NTN4: variants seen among roughly 807,000 people sequenced by gnomAD.
The protein encoded by NTN4 is netrin 4.
A neutral mutation model predicts 73.6 loss-of-function variants in NTN4; 32 were observed. That is an observed-to-expected ratio of 0.44 (90% confidence interval 0.33 to 0.58). The LOEUF (loss-of-function observed/expected upper bound fraction) is 0.58, where lower values mean the gene tolerates loss of function less well. Among genes scored for constraint, NTN4 ranks in the 20% least tolerant of loss-of-function variants. The pLI is 0.04. For missense variants in NTN4, 654 were observed against 798.3 expected (o/e 0.82, Z 2.18); for synonymous variants, 258 against 287.5 (o/e 0.90, Z 1.04).
At position 95,683,589 on chromosome 12, in the gene NTN4, T is replaced by C. The variant is rs763010124; in HGVS notation, c.1303A>G (p.Met435Val). 1.9e-6 allele frequency: 3 copies of C among 1,614,214 alleles called. No homozygotes were observed. Among genetic ancestry groups the C allele is most frequent in the Non-Finnish European group, 2.5e-6 (3 of 1,180,034 alleles). The change falls in exon 6 of 10, where the codon ATG becomes GTG. Residue 435 changes from methionine to valine, a missense_variant. Physicochemically the swap from Met to Val is conservative, Grantham distance 21 (BLOSUM62 1). Transcript: ENST00000343702. ...TCTCCGAAGCCCCAGTATCCCACCA[T>C]GCACCTGTCACAACGTCGCCCTGCC... ...GVAGRRCDRCMVGYWGFGDYG... is the reference protein window; with the variant it reads ...GVAGRRCDRCVVGYWGFGDYG...
At chr12:95,660,641 G>C (rs1385429833) in intron 9 of NTN4, among the ~76,000 whole-genome samples, 3 of 152,106 alleles carry the variant, frequency 2.0e-5, no homozygotes, top group Non-Finnish European at 4.4e-5. Context: ...TAATAACGTA[G>C]ATTTTGGTAT....
intron 5 of NTN4, among the ~76,000 whole-genome samples, chr12:95,710,036 A>C (rs564305156): frequency 6.6e-6 from 1 of 152,308 alleles, no homozygotes; most frequent in Non-Finnish European, 1.5e-5. Flanking sequence ...TTCACTGTTA[A>C]GGTAAAAGAA....
rs574344865 is a variant in NTN4 at position 95,722,933 on chromosome 12, C to T, written c.865-9595G>A. 3.1e-5 allele frequency among the ~76,000 whole-genome samples: 4 copies of T among 129,546 alleles called. 1 individual carries two copies. Among genetic ancestry groups the T allele is most frequent in the African/African-American group, 1.2e-4 (4 of 33,364 alleles). The allele number at this position is 129,546 out of a possible 152,430, so 85.0% of individuals were successfully genotyped here. ...AGGTTGCAGTGAGCCAAGATCGTGC[C>T]ACTGCACTCCAGCCTGGGTGACAGA... On this transcript the variant is annotated intron_variant, in intron 3 of 9. Coordinates refer to ENST00000343702, the MANE Select transcript of NTN4 (RefSeq NM_021229.4).
chr12:95,765,917 A>G (rs1270119626), intron 2 of NTN4, among the ~76,000 whole-genome samples: 2 of 152,180 alleles, frequency 1.3e-5, no homozygotes, highest in Admixed American at 1.3e-4. Flanking sequence ...ATGGAACTAG[A>G]CAGATAATAG....
rs558949134 is a variant in NTN4 at position 95,760,222 on chromosome 12, C to G, written c.586-22078G>C. On this transcript the variant is annotated intron_variant, in intron 2 of 9. Transcript: ENST00000343702. ...CTATTACAAAGGTTTTCTGAGGGCTCTACCAGATGCCTGTGAATTATGAGG... is the reference window on the plus strand; with the variant it reads ...CTATTACAAAGGTTTTCTGAGGGCTGTACCAGATGCCTGTGAATTATGAGG... Among the ~76,000 whole-genome samples, 27 of 152,264 alleles carry G rather than the reference C, an allele frequency of 1.8e-4. No homozygotes were observed. In the South Asian group the frequency reaches 5.4e-3, roughly 30 times the overall value.
intron 5 of NTN4, among the ~76,000 whole-genome samples, chr12:95,685,399 G>A (rs1343427208): frequency 6.6e-6 from 1 of 152,122 alleles, no homozygotes; most frequent in Admixed American, 6.6e-5. Context: ...CTTGGTTGAC[G>A]GCTCTGCCTC....
intron 5 of NTN4, among the ~76,000 whole-genome samples, chr12:95,685,784 T>A (rs531944970): frequency 6.6e-6 from 1 of 152,354 alleles, no homozygotes; most frequent in South Asian, 2.1e-4. Context: ...ACTATCCTTA[T>A]GCAGTGGTAA....
At chr12:95,737,557 A>G (rs1484868682) in intron 3 of NTN4, among the ~76,000 whole-genome samples, 1 of 152,166 alleles carries the variant, frequency 6.6e-6, no homozygotes, top group East Asian at 1.9e-4. Flanking sequence ...CTTGTGTGTG[A>G]TAATACCACT....
intron 3 of NTN4, among the ~76,000 whole-genome samples, chr12:95,720,430 G>A (rs1272455575): frequency 2.6e-5 from 4 of 152,186 alleles, no homozygotes; most frequent in East Asian, 1.9e-4. Flanking sequence ...TACATTATCC[G>A]CCTCTCTCTA....
Position 95,781,178 on chromosome 12 carries a change from A to G in NTN4, c.585+5761T>C, listed in dbSNP as rs1388226596. ...TGGGGTTGGGGGAGCAGGGAGGGAT[A>G]GCATTAAGAGATATACCTTATGTAA... On this transcript the variant is annotated intron_variant, in intron 2 of 9. Transcript: ENST00000343702. This position sits in a 1 kb window ranked among gnomAD's most constrained non-coding sequence, Gnocchi z 4.1. Among the ~76,000 whole-genome samples the G allele has an allele frequency of 6.6e-6, 1 of 152,218 alleles. No individual in the cohort carries two copies. The highest frequency in any genetic ancestry group is 1.5e-5 in the Non-Finnish European group (1 of 68,044).
At position 95,722,563 on chromosome 12, in the gene NTN4, T is replaced by C. The variant is rs542212331; in HGVS notation, c.865-9225A>G. On this transcript the variant is annotated intron_variant, in intron 3 of 9. Coordinates refer to ENST00000343702, the MANE Select transcript of NTN4 (RefSeq NM_021229.4). Reference sequence around the variant, plus strand: ...TCCCTTGAGCCTGGGAGGCAGACGTTGTAATGAGCCGAGACTGTGCCACTG... The same window carrying C: ...TCCCTTGAGCCTGGGAGGCAGACGTCGTAATGAGCCGAGACTGTGCCACTG... Among the ~76,000 whole-genome samples, 29 of 152,214 alleles carry C rather than the reference T, an allele frequency of 1.9e-4. No homozygotes were observed. In the South Asian group the frequency reaches 6.0e-3, roughly 32 times the overall value.
At chr12:95,745,488 G>T (rs758547125) in intron 2 of NTN4, among the ~76,000 whole-genome samples, 13 of 152,046 alleles carry the variant, frequency 8.6e-5, no homozygotes, top group Admixed American at 3.3e-4. Flanking sequence ...CTTCAAAAAT[G>T]GTCATTCAAC....
chr12:95,778,827 C>T (rs2079112556), intron 2 of NTN4, among the ~76,000 whole-genome samples: 1 of 152,198 alleles, frequency 6.6e-6, no homozygotes. Context: ...CAGCATCATT[C>T]TGATACCAAA....
intron 1 of NTN4, among the ~76,000 whole-genome samples, chr12:95,788,395 C>G (rs140282077): frequency 1.9e-3 from 290 of 152,320 alleles, no homozygotes; most frequent in African/African-American, 6.6e-3. Flanking sequence ...TTTAAAATGA[C>G]TTAAAATGAT....
intron 5 of NTN4, among the ~76,000 whole-genome samples, chr12:95,686,135 T>C (rs943168207): frequency 6.6e-5 from 10 of 152,232 alleles, no homozygotes; most frequent in African/African-American, 2.4e-4. Flanking sequence ...CAAGCAATGC[T>C]CTTGCCTTGG....
chr12:95,764,283 C>G (rs1338462657), intron 2 of NTN4, among the ~76,000 whole-genome samples: 2 of 152,174 alleles, frequency 1.3e-5, no homozygotes, highest in Non-Finnish European at 2.9e-5. Context: ...GGAGTCAGCT[C>G]TATAGGTAAC....
At chr12:95,690,978 T>C (rs1274907583) in intron 5 of NTN4, among the ~76,000 whole-genome samples, 2 of 152,230 alleles carry the variant, frequency 1.3e-5, no homozygotes, top group Non-Finnish European at 2.9e-5. Flanking sequence ...GTTTCTGTCA[T>C]ATGTGCTAGT....
chr12:95,774,186 TA>T (rs61303419), intron 2 of NTN4, among the ~76,000 whole-genome samples: 2 of 148,804 alleles, frequency 1.3e-5, no homozygotes, highest in Admixed American at 1.3e-4. Flanking sequence ...TTTTTTTTTT[TA>T]AAAAAAAAAG....
intron 2 of NTN4, among the ~76,000 whole-genome samples, chr12:95,778,515 C>G (rs1423496581): frequency 6.6e-6 from 1 of 152,176 alleles, no homozygotes; most frequent in East Asian, 1.9e-4. Context: ...AAACTACCAT[C>G]AGAGAATACT....
Sources: gnomAD v4.1 joint callset for allele counts (sites outside exome capture counted in the v4.1 genomes callset) on GRCh38, gnomAD v4.1.1 for gene constraint, Gnocchi (gnomAD v3.1) non-coding constraint, MANE v1.5 for transcripts, NCBI Gene and HGNC (gene_info 2026-07-23, HGNC 2026-07-21) for gene names.